Variants in RAB28 observed in about 807,000 individuals in gnomAD.
RAB28 encodes RAB28, member RAS oncogene family, also known as ras-related protein Rab-28.
Under a neutral mutation model 31.7 loss-of-function variants are expected in RAB28, and 24 were observed. The observed-to-expected ratio is 0.76, with a 90% CI of 0.55 to 1.06. The LOEUF is 1.06. Ranked by LOEUF, RAB28 falls within the 50% of genes least tolerant of loss-of-function variation. The pLI, the probability that RAB28 is intolerant of heterozygous loss-of-function variation, is 0.00. For synonymous variants in RAB28, 100 were observed against 90.4 expected (o/e 1.11, Z -0.60); for missense variants, 254 against 258.5 (o/e 0.98, Z 0.12).
chr4:13,449,057 T>C lies in RAB28; in HGVS notation c.391+11642A>G, dbSNP rs149160592. Among the ~76,000 whole-genome samples the C allele has an allele frequency of 5.3e-5, 8 of 152,116 alleles. No individual in the cohort carries two copies. The East Asian group carries it at 1.5e-3, about 29-fold the overall frequency. ...AGAAATGGTTAAAAGGGCAGAATGT[T>C]TTAGCTTAAAATGTATAAAGAGAAT... On this transcript the variant is annotated intron_variant, in intron 4 of 6. Transcript: ENST00000330852.
chr4:13,416,319 C>A (rs1712776873), intron 4 of RAB28, among the ~76,000 whole-genome samples: 1 of 152,144 alleles, frequency 6.6e-6, no homozygotes, highest in African/African-American at 2.4e-5. Context: ...ACTCCTGAGC[C>A]AGCGAGACCA....
chr4:13,378,534 G>A (rs1187280384), intron 5 of RAB28, among the ~76,000 whole-genome samples: 2 of 152,110 alleles, frequency 1.3e-5, no homozygotes, highest in Non-Finnish European at 2.9e-5. Context: ...AAAAAATGTG[G>A]CATCAAGAGT....
intron 4 of RAB28, among the ~76,000 whole-genome samples, chr4:13,411,410 T>G (rs990965138): frequency 6.6e-6 from 1 of 152,148 alleles, no homozygotes; most frequent in African/African-American, 2.4e-5. Flanking sequence ...GGAAACCCAG[T>G]GATATGTGAT....
chr4:13,371,302 G>C (rs140858268), intron 6 of RAB28: 19,304 of 985,088 alleles, frequency 0.02, 219 homozygotes, highest in African/African-American at 0.036. Flanking sequence ...GAATCGGGGG[G>C]TACATCAGTG....
intron 4 of RAB28, among the ~76,000 whole-genome samples, chr4:13,440,200 AGAT>A (rs1220341883): frequency 6.6e-6 from 1 of 152,198 alleles, no homozygotes; most frequent in Non-Finnish European, 1.5e-5. Context: ...AATAACTTAA[AGAT>A]GATATTTCAT....
rs905849731 is a variant in RAB28 at position 13,382,768 on chromosome 4, G to T, written c.392-1174C>A. On this transcript the variant is annotated intron_variant, in intron 4 of 6. Transcript: ENST00000330852. ...GGCTGGAGTGCAATGGCATGATCTC[G>T]GCTCACTGCAACCTCTGCCTCCTGG... 3.6e-4 allele frequency among the ~76,000 whole-genome samples: 53 copies of T among 147,520 alleles called. 1 individual carries two copies. The highest frequency in any genetic ancestry group is 1.2e-3 in the African/African-American group (49 of 39,602).
chr4:13,404,732 G>C (rs182132647), intron 4 of RAB28, among the ~76,000 whole-genome samples: 13 of 152,230 alleles, frequency 8.5e-5, no homozygotes, highest in African/African-American at 2.9e-4. Flanking sequence ...TAGGGAGGAA[G>C]TTGGAATATG....
chr4:13,403,776 G>A (rs1346425788), intron 4 of RAB28, among the ~76,000 whole-genome samples: 1 of 152,122 alleles, frequency 6.6e-6, no homozygotes, highest in Non-Finnish European at 1.5e-5. Flanking sequence ...GTAAATAAAT[G>A]AATGAATACT....
At chr4:13,412,417 T>TG (rs1305665186) in intron 4 of RAB28, among the ~76,000 whole-genome samples, 3 of 152,048 alleles carry the variant, frequency 2.0e-5, no homozygotes, top group Non-Finnish European at 2.9e-5. Context: ...AATCTGTGGC[T>TG]GGGGGGAAGA....
chr4:13,378,723 C>T (rs1476771411), intron 5 of RAB28, among the ~76,000 whole-genome samples: 1 of 151,938 alleles, frequency 6.6e-6, no homozygotes, highest in Admixed American at 6.6e-5. Flanking sequence ...TAGAATAGAT[C>T]CCATAGTAAC....
At chr4:13,388,955 T>C (rs1372674799) in intron 4 of RAB28, among the ~76,000 whole-genome samples, 3 of 152,072 alleles carry the variant, frequency 2.0e-5, no homozygotes, top group African/African-American at 7.2e-5. Flanking sequence ...TGGGTATATA[T>C]CCCAAAGAAC....
At chr4:13,387,885 A>G (rs1265336013) in intron 4 of RAB28, among the ~76,000 whole-genome samples, 1 of 152,038 alleles carries the variant, frequency 6.6e-6, no homozygotes, top group African/African-American at 2.4e-5. Flanking sequence ...ACAATGCAAA[A>G]CTTGTTGAGG....
At chr4:13,439,671 C>T (rs920568061) in intron 4 of RAB28, among the ~76,000 whole-genome samples, 7 of 152,146 alleles carry the variant, frequency 4.6e-5, no homozygotes, top group African/African-American at 1.2e-4. Flanking sequence ...CCTATGTTTT[C>T]GTCTAAGATT....
intron 6 of RAB28, chr4:13,371,980 A>G: frequency 9.9e-7 from 1 of 1,014,032 alleles, no homozygotes; most frequent in East Asian, 2.6e-5. Context: ...GGCATAAGCA[A>G]GAAAGCAACC....
chr4:13,402,791 A>T (rs939714123), intron 4 of RAB28, among the ~76,000 whole-genome samples: 21 of 151,612 alleles, frequency 1.4e-4, no homozygotes, highest in Admixed American at 3.3e-4. Flanking sequence ...TATTATTATT[A>T]TTTTTTTATT....
chr4:13,421,103 C>T (rs1713110487), intron 4 of RAB28, among the ~76,000 whole-genome samples: 1 of 152,172 alleles, frequency 6.6e-6, no homozygotes, highest in Non-Finnish European at 1.5e-5. Flanking sequence ...CATTCATATA[C>T]ACAAATAACA....
intron 4 of RAB28, among the ~76,000 whole-genome samples, chr4:13,454,878 G>A (rs1715212238): frequency 6.6e-6 from 1 of 152,178 alleles, no homozygotes; most frequent in African/African-American, 2.4e-5. Context: ...GCCTGGGTGT[G>A]TGTCTGCTGG....
chr4:13,446,903 C>A (rs1714726550), intron 4 of RAB28, among the ~76,000 whole-genome samples: 1 of 152,298 alleles, frequency 6.6e-6, no homozygotes, highest in African/African-American at 2.4e-5. Flanking sequence ...GCACCTCACA[C>A]TTAACATATC....
At chr4:13,460,602 C>A in intron 4 of RAB28, 97 bp downstream of exon 4, 4 of 1,480,070 alleles carry the variant, frequency 2.7e-6, no homozygotes, top group Non-Finnish European at 3.7e-6. Context: ...GGGATTAGGT[C>A]TTTGACATAT....
Sources: allele counts gnomAD v4.1 joint callset (sites outside exome capture counted in the v4.1 genomes callset), GRCh38; gene constraint gnomAD v4.1.1; transcripts MANE v1.5; gene names NCBI Gene and HGNC (gene_info 2026-07-23, HGNC 2026-07-21).